The following DAGLA variants were observed in gnomAD, a reference collection of about 807,000 sequenced individuals.
DAGLA encodes diacylglycerol lipase-alpha.
Under a neutral mutation model 102.6 loss-of-function variants are expected in DAGLA, and 22 were observed. The observed-to-expected ratio is 0.21, with a 90% CI of 0.15 to 0.31. The LOEUF is 0.31. DAGLA is among the 10% of genes least tolerant of loss of function. The pLI, the probability that DAGLA is intolerant of heterozygous loss-of-function variation, is 1.00. For synonymous variants in DAGLA, 578 were observed against 628.9 expected (o/e 0.92, Z 1.21); for missense variants, 927 against 1,446.6 (o/e 0.64, Z 5.83).
intron 1 of DAGLA, 21 bp downstream of exon 1, chr11:61,680,525 G>T: frequency 6.7e-6 from 1 of 149,704 alleles, no homozygotes; most frequent in South Asian, 1.8e-4. Context: ...CCTCCGGCGC[G>T]GCGGGCCGGT....
At chr11:61,707,686 G>C (rs1434957528) in intron 1 of DAGLA, among the ~76,000 whole-genome samples, 1 of 152,266 alleles carries the variant, frequency 6.6e-6, no homozygotes, top group Non-Finnish European at 1.5e-5. Flanking sequence ...CTCGCAGGCT[G>C]TGGAGGCCAT....
intron 3 of DAGLA, among the ~76,000 whole-genome samples, 153 bp downstream of exon 3, chr11:61,721,043 A>C (rs919863935): frequency 3.9e-5 from 6 of 152,140 alleles, no homozygotes; most frequent in African/African-American, 1.4e-4. Context: ...TACATTCTAG[A>C]CTAGGGGCCA....
intron 1 of DAGLA, among the ~76,000 whole-genome samples, chr11:61,701,772 G>A (rs1321023218): frequency 2.0e-5 from 3 of 152,084 alleles, no homozygotes; most frequent in Admixed American, 1.3e-4. Flanking sequence ...TGGGGGGTTA[G>A]GTTTTCTTGT....
At chr11:61,723,020 C>T in intron 4 of DAGLA, 60 bp downstream of exon 4, 1 of 1,330,960 alleles carries the variant, frequency 7.5e-7, no homozygotes, top group South Asian at 1.2e-5. Flanking sequence ...GGGACGAGAT[C>T]AGTTTAGAGA....
Position 61,734,754 on chromosome 11 carries a change from A to G in DAGLA, c.975-95A>G. The G allele has an allele frequency of 2.3e-6, 3 of 1,280,184 alleles. No homozygotes were observed. Among genetic ancestry groups the G allele is most frequent in the Non-Finnish European group, 3.3e-6 (3 of 908,488 alleles). 79.3% of individuals were successfully genotyped at this position (1,280,184 alleles called of 1,614,324 possible). ...AATTTGGTAGAGGCAGTGGGGCTGA[A>G]TGCCCAACTGGAACTGGTTCCAGGG... is the stretch of plus-strand genomic sequence containing the variant. On this transcript the variant is annotated intron_variant, in intron 9 of 19. Coordinates refer to ENST00000257215, the MANE Select transcript of DAGLA (RefSeq NM_006133.3). This position sits in a 1 kb window ranked among gnomAD's most constrained non-coding sequence, Gnocchi z 4.2.
At chr11:61,698,942 C>G (rs2065088152) in intron 1 of DAGLA, among the ~76,000 whole-genome samples, 1 of 152,210 alleles carries the variant, frequency 6.6e-6, no homozygotes, top group South Asian at 2.1e-4. Context: ...TGGAAAAGGC[C>G]TTTTGGGCAA....
chr11:61,736,431 T>G lies in DAGLA; in HGVS notation c.1371+81T>G. On this transcript the variant is annotated intron_variant, in intron 13 of 19. Coordinates refer to ENST00000257215, the MANE Select transcript of DAGLA (RefSeq NM_006133.3). ...CGCAGCACAGAGAGGAGAGGATGGA[T>G]GGGTGATGGAGCCTCACAACTCCCA... 4.3e-6 allele frequency: 5 copies of G among 1,169,912 alleles called. No homozygotes were observed. In the South Asian group the frequency reaches 5.0e-5, roughly 12 times the overall value. The allele number at this position is 1,169,912 out of a possible 1,614,324, so 72.5% of individuals were successfully genotyped here.
At chr11:61,691,730 G>A (rs1161701440) in intron 1 of DAGLA, among the ~76,000 whole-genome samples, 1 of 152,246 alleles carries the variant, frequency 6.6e-6, no homozygotes, top group African/African-American at 2.4e-5. Context: ...TGATTGAATG[G>A]GAAACCGCAG....
intron 1 of DAGLA, among the ~76,000 whole-genome samples, chr11:61,688,364 G>A (rs1458267443): frequency 6.7e-6 from 1 of 148,872 alleles, no homozygotes; most frequent in Non-Finnish European, 1.5e-5. Flanking sequence ...TGAGATTCAA[G>A]AGCTGGCATG....
intron 1 of DAGLA, among the ~76,000 whole-genome samples, chr11:61,683,479 A>C (rs2064961421): frequency 6.6e-6 from 1 of 152,198 alleles, no homozygotes. Context: ...TCTTAAGTGC[A>C]GAGTCCATTA....
rs986257783 is a variant in DAGLA at position 61,728,395 on chromosome 11, C to T, written c.771+108C>T. ...AGGGCTCGGCTCCCACGCAGCTCCC[C>T]AGTGACCACGCACTCTCTTGGACCC... is the stretch of plus-strand genomic sequence containing the variant. On this transcript the variant is annotated intron_variant, in intron 7 of 19. Coordinates refer to ENST00000257215, the MANE Select transcript of DAGLA (RefSeq NM_006133.3). The T allele has an allele frequency of 5.0e-6, 7 of 1,392,794 alleles. No individual in the cohort carries two copies. The Admixed American group carries it at 1.3e-4, about 25-fold the overall frequency. The allele number at this position is 1,392,794 out of a possible 1,614,324, so 86.3% of individuals were successfully genotyped here.
At chr11:61,740,702 G>A in intron 18 of DAGLA, 110 bp downstream of exon 18, 2 of 1,441,802 alleles carry the variant, frequency 1.4e-6, no homozygotes, top group Non-Finnish European at 1.9e-6. Flanking sequence ...AGGGTGCTGG[G>A]GCTCAGAGAA....
At chr11:61,683,039 A>G (rs1259757069) in intron 1 of DAGLA, among the ~76,000 whole-genome samples, 4 of 152,280 alleles carry the variant, frequency 2.6e-5, no homozygotes, top group Non-Finnish European at 5.9e-5. Context: ...CAGGAGCCTA[A>G]TTCCCGACAA....
At chr11:61,735,158 C>T (rs1234561774) in intron 10 of DAGLA, among the ~76,000 whole-genome samples, 156 bp downstream of exon 10, 1 of 152,164 alleles carries the variant, frequency 6.6e-6, no homozygotes, top group Non-Finnish European at 1.5e-5. Context: ...CCAGAGGTGG[C>T]CCCCTTCTCT....
intron 18 of DAGLA, 48 bp from the exon 19 acceptor site, chr11:61,741,114 G>A (rs1472180950): frequency 5.1e-6 from 8 of 1,554,362 alleles, no homozygotes; most frequent in African/African-American, 4.1e-5. Context: ...CCCACGATGG[G>A]GCCTGATGTC....
intron 1 of DAGLA, among the ~76,000 whole-genome samples, chr11:61,703,934 T>C (rs529804626): frequency 7.9e-4 from 121 of 152,288 alleles, no homozygotes; most frequent in Non-Finnish European, 1.3e-3. Flanking sequence ...TGGGCAACTA[T>C]GAAGAGCTAT....
At chr11:61,697,103 C>A (rs1365943189) in intron 1 of DAGLA, among the ~76,000 whole-genome samples, 1 of 152,194 alleles carries the variant, frequency 6.6e-6, no homozygotes, top group Non-Finnish European at 1.5e-5. Context: ...GACTTCTCAG[C>A]CCCCTACCTG....
chr11:61,684,274 CTG>C lies in DAGLA; in HGVS notation c.-45+3771_-45+3772del, dbSNP rs2064968106. 6.6e-6 allele frequency among the ~76,000 whole-genome samples: 1 copy of C among 152,234 alleles called. No homozygotes were observed. The highest frequency in any genetic ancestry group is 1.5e-5 in the Non-Finnish European group (1 of 68,046). On this transcript the variant is annotated intron_variant, in intron 1 of 19. Transcript: ENST00000257215. This position sits in a 1 kb window ranked among gnomAD's most constrained non-coding sequence, Gnocchi z 4.5. ...ACTCCAGTGGACTGGGCAAGTAGCG[CTG>C]GGGGAAATATCAATGAGCATGTGGT... is the stretch of plus-strand genomic sequence containing the variant.
intron 1 of DAGLA, among the ~76,000 whole-genome samples, chr11:61,711,253 G>T (rs1257793588): frequency 6.6e-6 from 1 of 152,220 alleles, no homozygotes; most frequent in East Asian, 1.9e-4. Flanking sequence ...AGGGCTTGGA[G>T]ATCCAGGCTG....
Sources: allele counts gnomAD v4.1 joint callset (sites outside exome capture counted in the v4.1 genomes callset), GRCh38; gene constraint gnomAD v4.1.1; non-coding constraint Gnocchi (gnomAD v3.1); transcripts MANE v1.5; gene names NCBI Gene and HGNC (gene_info 2026-07-23, HGNC 2026-07-21).